Variants in LARGE1 observed in about 807,000 individuals in gnomAD.
LARGE1 encodes xylosyl- and glucuronyltransferase LARGE1.
In LARGE1, 43 loss-of-function variants were observed where a neutral mutation model predicts 87.6. That is an observed-to-expected ratio of 0.49 (90% confidence interval 0.38 to 0.63). The LOEUF (loss-of-function observed/expected upper bound fraction) is 0.63, where lower values mean the gene tolerates loss of function less well. LARGE1 is among the 30% of genes least tolerant of loss of function. The pLI is 0.00. For missense variants in LARGE1, 802 were observed against 1,000.2 expected, an observed-to-expected ratio of 0.80 and a Z score of 2.67; for synonymous variants, 434 against 394.6, an observed-to-expected ratio of 1.10 and a Z score of -1.18.
At chr22:33,175,297 G>T (rs568109940) in intron 11 of LARGE1, among the ~76,000 whole-genome samples, 1 of 151,812 alleles carries the variant, frequency 6.6e-6, no homozygotes, top group Non-Finnish European at 1.5e-5. Context: ...CAGGATGGAA[G>T]GGAAGGGAAG....
At chr22:33,752,752 G>A (rs1758899906) in intron 2 of LARGE1, among the ~76,000 whole-genome samples, 1 of 152,222 alleles carries the variant, frequency 6.6e-6, no homozygotes, top group East Asian at 1.9e-4. Flanking sequence ...GCATGGGACT[G>A]TGGGAAAGTG....
chr22:33,643,784 C>T (rs2080518496), intron 3 of LARGE1, among the ~76,000 whole-genome samples: 1 of 152,164 alleles, frequency 6.6e-6, no homozygotes, highest in Admixed American at 6.5e-5. Flanking sequence ...CTGTAAACAT[C>T]TCTACACAAA....
chr22:33,516,459 T>TA (rs995295908), intron 6 of LARGE1, among the ~76,000 whole-genome samples: 1 of 151,950 alleles, frequency 6.6e-6, no homozygotes, highest in Non-Finnish European at 1.5e-5. Context: ...CACATTTCTT[T>TA]AAAAAAAGGA....
At chr22:33,670,397 T>C (rs1438251572) in intron 2 of LARGE1, among the ~76,000 whole-genome samples, 1 of 151,632 alleles carries the variant, frequency 6.6e-6, no homozygotes, top group Non-Finnish European at 1.5e-5. Context: ...ATGTTGAGAT[T>C]AGAAAGGTGA....
chr22:33,187,985 G>T, intron 11 of LARGE1, among the ~76,000 whole-genome samples: 1 of 124,206 alleles, frequency 8.1e-6, no homozygotes, highest in African/African-American at 2.8e-5. Context: ...GATTTCAAGT[G>T]TTCTCCCACA....
intron 6 of LARGE1, among the ~76,000 whole-genome samples, chr22:33,521,155 G>C (rs973876577): frequency 6.6e-6 from 1 of 152,238 alleles, no homozygotes; most frequent in African/African-American, 2.4e-5. Context: ...ACACAGTGAA[G>C]AAATACGTGG....
At chr22:33,449,282 C>T (rs1412006960) in intron 6 of LARGE1, among the ~76,000 whole-genome samples, 1 of 152,150 alleles carries the variant, frequency 6.6e-6, no homozygotes, top group Non-Finnish European at 1.5e-5. Context: ...ATAGAGAAGA[C>T]CAAGGCAGAG....
intron 9 of LARGE1, among the ~76,000 whole-genome samples, chr22:33,346,261 C>CT (rs371281050): frequency 2.4e-5 from 3 of 127,102 alleles, no homozygotes; most frequent in Admixed American, 7.3e-5. Flanking sequence ...CCTCTCTTCT[C>CT]TCTCTCTCTC....
intron 6 of LARGE1, among the ~76,000 whole-genome samples, chr22:33,514,184 A>G (rs1320384335): frequency 6.6e-6 from 1 of 152,172 alleles, no homozygotes; most frequent in Non-Finnish European, 1.5e-5. Context: ...CAGACTGCAT[A>G]TATGTTTATG....
chr22:33,364,035 G>A (rs2064484723), intron 9 of LARGE1, among the ~76,000 whole-genome samples: 1 of 145,910 alleles, frequency 6.9e-6, no homozygotes. Context: ...TCAGAGTCCT[G>A]GTCAAAGTGC....
intron 1 of LARGE1, among the ~76,000 whole-genome samples, chr22:33,828,725 A>G (rs931496614): frequency 6.6e-6 from 1 of 152,236 alleles, no homozygotes; most frequent in Non-Finnish European, 1.5e-5. Flanking sequence ...TAGCTTCAGT[A>G]AAGAATTACT....
chr22:33,257,086 T>C (rs1463549313), intron 11 of LARGE1, among the ~76,000 whole-genome samples: 1 of 152,126 alleles, frequency 6.6e-6, no homozygotes, highest in Non-Finnish European at 1.5e-5. Context: ...ATGCTTGTAA[T>C]CCCAGCTACT....
At chr22:33,779,060 C>T (rs569302357) in intron 1 of LARGE1, among the ~76,000 whole-genome samples, 14 of 152,216 alleles carry the variant, frequency 9.2e-5, no homozygotes, top group East Asian at 1.9e-4. Flanking sequence ...TTTGGGCCAC[C>T]GTGAATAGTT....
At chr22:33,454,125 A>C (rs762774231) in intron 6 of LARGE1, among the ~76,000 whole-genome samples, 10 of 152,194 alleles carry the variant, frequency 6.6e-5, no homozygotes, top group South Asian at 4.1e-4. Flanking sequence ...TGCACTGAAC[A>C]GAGCTATGTC....
At chr22:33,229,211 A>G (rs1925881095) in intron 11 of LARGE1, among the ~76,000 whole-genome samples, 1 of 152,232 alleles carries the variant, frequency 6.6e-6, no homozygotes. Context: ...ATGTAAGGAT[A>G]GTTCCAAGAC....
At chr22:33,699,229 G>A (rs966441868) in intron 2 of LARGE1, among the ~76,000 whole-genome samples, 11 of 152,302 alleles carry the variant, frequency 7.2e-5, no homozygotes, top group Admixed American at 7.2e-4. Flanking sequence ...GAGAAAGTTT[G>A]AGCAATCACT....
chr22:33,339,141 C>G (rs1324961373), intron 9 of LARGE1, among the ~76,000 whole-genome samples: 1 of 145,588 alleles, frequency 6.9e-6, no homozygotes, highest in African/African-American at 2.6e-5. Context: ...AAGCGAGACT[C>G]CGTCTCAAAA....
chr22:33,257,235 C>CA (rs1339730689), intron 11 of LARGE1, among the ~76,000 whole-genome samples: 5 of 151,382 alleles, frequency 3.3e-5, no homozygotes, highest in African/African-American at 1.2e-4. Context: ...CAACAACAAC[C>CA]AAAAAAACAG....
At chr22:33,513,234 C>G (rs2071137006) in intron 6 of LARGE1, among the ~76,000 whole-genome samples, 1 of 152,162 alleles carries the variant, frequency 6.6e-6, no homozygotes, top group South Asian at 2.1e-4. Context: ...TGTAACAATG[C>G]AGCCAGTTAG....
Sources: gnomAD v4.1 joint callset for allele counts (sites outside exome capture counted in the v4.1 genomes callset) on GRCh38, gnomAD v4.1.1 for gene constraint, MANE v1.5 for transcripts, NCBI Gene and HGNC (gene_info 2026-07-23, HGNC 2026-07-21) for gene names.